The following ATP2C2 variants were observed in gnomAD, a reference collection of about 807,000 sequenced individuals.
ATP2C2 encodes the protein calcium-transporting ATPase type 2C member 2.
Under a neutral mutation model 110.8 loss-of-function variants are expected in ATP2C2, and 171 were observed. The observed-to-expected ratio is 1.54, with a 90% confidence interval of 1.36 to 1.75. The LOEUF (loss-of-function observed/expected upper bound fraction) is 1.75, where lower values mean the gene tolerates loss of function less well. Ranked by LOEUF, ATP2C2 falls within the 40% of genes most tolerant of loss-of-function variation. The pLI is 0.00. For synonymous variants in ATP2C2, 804 were observed against 508.4 expected (o/e 1.58, Z -7.82); for missense variants, 1,963 against 1,235.0 (o/e 1.59, Z -8.84).
At chr16:84,415,107 T>G (rs1001201748) in intron 6 of ATP2C2, among the ~76,000 whole-genome samples, 1 of 152,124 alleles carries the variant, frequency 6.6e-6, no homozygotes, top group African/African-American at 2.4e-5. Context: ...CATCCCTGAC[T>G]TCCTGAGACA....
At chr16:84,435,387 C>T (rs938239554) in intron 11 of ATP2C2, among the ~76,000 whole-genome samples, 5 of 152,208 alleles carry the variant, frequency 3.3e-5, no homozygotes, top group Non-Finnish European at 7.3e-5. Context: ...AATGGATTCT[C>T]ACCAGGTGTT....
rs1417214380 is a variant in ATP2C2, at chr16:84,460,654, C to T, written c.2334C>T (p.Ser778=). ...AGTGTCTGTGTCTTGTTCGGAGCAG[C>T]TTGGGGGTAGAGCCCGTTGACAAAG... ...NIIMDGPPAQ[S]LGVEPVDKDA... The change falls in exon 24 of 27, where the codon AGC becomes AGT. Residue 778 remains serine (S), a splice_region_variant and synonymous_variant. Coordinates refer to ENST00000262429, the MANE Select transcript of ATP2C2 (RefSeq NM_014861.4). The T allele has an allele frequency of 8.7e-6, 14 of 1,614,218 alleles. No individual in the cohort carries two copies. Among genetic ancestry groups the T allele is most frequent in the Non-Finnish European group, 1.2e-5 (14 of 1,180,042 alleles).
intron 7 of ATP2C2, among the ~76,000 whole-genome samples, chr16:84,421,947 C>A (rs937756395): frequency 6.6e-6 from 1 of 152,010 alleles, no homozygotes; most frequent in Non-Finnish European, 1.5e-5. Flanking sequence ...CTCTGTGTCC[C>A]TGTCTGTGTT....
chr16:84,417,493 T>G (rs565304808), intron 7 of ATP2C2, among the ~76,000 whole-genome samples: 2 of 152,350 alleles, frequency 1.3e-5, no homozygotes, highest in South Asian at 4.1e-4. Context: ...TTGCTTTTAT[T>G]TTTTATCATT....
At chr16:84,386,852 G>A (rs1234236463) in intron 1 of ATP2C2, among the ~76,000 whole-genome samples, 1 of 152,170 alleles carries the variant, frequency 6.6e-6, no homozygotes, top group African/African-American at 2.4e-5. Flanking sequence ...AGACCAGGCC[G>A]AGTCTGGGCC....
intron 16 of ATP2C2, among the ~76,000 whole-genome samples, chr16:84,446,707 A>G (rs921677824): frequency 6.6e-5 from 10 of 152,182 alleles, no homozygotes; most frequent in Non-Finnish European, 7.3e-5. Context: ...CTCAGGTTCC[A>G]TGCCAGACCT....
chr16:84,380,744 A>G (rs1057133497), intron 1 of ATP2C2, among the ~76,000 whole-genome samples: 1 of 152,246 alleles, frequency 6.6e-6, no homozygotes, highest in Non-Finnish European at 1.5e-5. Flanking sequence ...GTTCTTCTGT[A>G]CAATGGGGTA....
rs766360690 is a variant in ATP2C2, at chr16:84,440,934, T to C, written c.1287T>C (p.Asn429=). ...PSKEVIKEFS[N]VSVGKLVEAG... ...AGGAAGTCATTAAGGAATTTTCCAA[T>C]GTCTCAGTGGGAAAGTTAGTGGAGG... is the stretch of plus-strand genomic sequence containing the variant. Residue 429 remains asparagine (N), a synonymous_variant, in exon 14 of 27, where the codon AAT becomes AAC. Coordinates refer to ENST00000262429, the MANE Select transcript of ATP2C2 (RefSeq NM_014861.4). 1.2e-5 allele frequency: 19 copies of C among 1,612,910 alleles called. No homozygotes were observed. The highest frequency in any genetic ancestry group is 5.3e-5 in the African/African-American group (4 of 74,918).
Position 84,440,921 on chromosome 16 carries a change from A to G in ATP2C2, c.1274A>G (p.Lys425Arg). 6.2e-7 allele frequency: 1 copy of G among 1,613,502 alleles called. No homozygotes were observed. The highest frequency in any genetic ancestry group is 1.1e-5 in the South Asian group (1 of 90,626). ...CTTCTACCATCCAAGGAAGTCATTA[A>G]GGAATTTTCCAATGTCTCAGTGGGA... The part of the protein sequence containing the change: ...VCLLPSKEVI[K>R]EFSNVSVGKL... The change falls in exon 14 of 27, where the codon AAG (lysine) becomes AGG (arginine). Residue 425 changes from lysine to arginine, a missense_variant. By Grantham distance (26) the Lys-to-Arg change is conservative. Coordinates refer to ENST00000262429, the MANE Select transcript of ATP2C2 (RefSeq NM_014861.4).
intron 3 of ATP2C2, 43 bp from the exon 4 acceptor site, chr16:84,408,362 C>G (rs757557777): frequency 2.5e-6 from 4 of 1,582,392 alleles, no homozygotes; most frequent in Admixed American, 1.7e-5. Flanking sequence ...ATTCTGGTCC[C>G]TGAGACTAAA....
intron 2 of ATP2C2, 161 bp from the exon 3 acceptor site, chr16:84,404,967 A>C: frequency 4.1e-6 from 3 of 730,496 alleles, no homozygotes; most frequent in East Asian, 2.6e-5. Flanking sequence ...TCTCTGCCCC[A>C]TCTGCACGGG....
Position 84,463,831 on chromosome 16 carries a change from C to T in ATP2C2, c.*99C>T. The T allele has an allele frequency of 9.3e-7, 1 of 1,070,088 alleles. No homozygotes were observed. The allele number at this position is 1,070,088 out of a possible 1,614,324, so 66.3% of individuals were successfully genotyped here. A position where few individuals can be genotyped will look rare whatever the true frequency, so the allele number is the denominator to read the frequency against. ...GTCAGGGGAGACTTTTAGGAGGCCG[C>T]AGCCTTCCATCACCGGATCAGTTTT... On this transcript the variant is annotated 3_prime_UTR_variant, in exon 27 of 27. Transcript: ENST00000262429.
At chr16:84,432,158 G>A (rs1417579316) in intron 11 of ATP2C2, among the ~76,000 whole-genome samples, 1 of 152,096 alleles carries the variant, frequency 6.6e-6, no homozygotes, top group Non-Finnish European at 1.5e-5. Flanking sequence ...GTGGTGTTTC[G>A]TTACGTGAAT....
chr16:84,450,110 T>C (rs1048632941), intron 17 of ATP2C2, among the ~76,000 whole-genome samples: 7 of 152,098 alleles, frequency 4.6e-5, no homozygotes, highest in Non-Finnish European at 8.8e-5. Flanking sequence ...TGAGAACGGG[T>C]CAGTGGCGGA....
At chr16:84,431,819 A>T (rs1908306013) in intron 11 of ATP2C2, among the ~76,000 whole-genome samples, 1 of 152,100 alleles carries the variant, frequency 6.6e-6, no homozygotes, top group Non-Finnish European at 1.5e-5. Context: ...AAGCAGAGAG[A>T]TGAAAAGTGT....
At chr16:84,396,119 C>T (rs983325242) in intron 1 of ATP2C2, among the ~76,000 whole-genome samples, 1 of 152,084 alleles carries the variant, frequency 6.6e-6, no homozygotes, top group African/African-American at 2.4e-5. Flanking sequence ...CTTCAAGGTT[C>T]ATCCATGTTG....
chr16:84,422,200 AAG>A (rs1351849728), intron 7 of ATP2C2, among the ~76,000 whole-genome samples, 188 bp from the exon 8 acceptor site: 1 of 152,156 alleles, frequency 6.6e-6, no homozygotes, highest in East Asian at 1.9e-4. Context: ...TTATGTTTTT[AAG>A]AGAGGCCGCT....
At chr16:84,435,092 C>G (rs1908621242) in intron 11 of ATP2C2, among the ~76,000 whole-genome samples, 1 of 152,212 alleles carries the variant, frequency 6.6e-6, no homozygotes, top group Admixed American at 6.5e-5. Context: ...GGTGAAAGGT[C>G]ACCATTCACA....
chr16:84,447,083 G>C (rs1439246574), intron 16 of ATP2C2, among the ~76,000 whole-genome samples: 3 of 152,162 alleles, frequency 2.0e-5, no homozygotes, highest in African/African-American at 4.8e-5. Context: ...TGGCTTTTCA[G>C]ATTTTCCTTA....
Sources: gnomAD v4.1 joint callset for allele counts (sites outside exome capture counted in the v4.1 genomes callset) on GRCh38, gnomAD v4.1.1 for gene constraint, MANE v1.5 for transcripts, NCBI Gene and HGNC (gene_info 2026-07-23, HGNC 2026-07-21) for gene names.